Variants in NR1H4 observed in about 807,000 individuals in gnomAD.
The protein encoded by NR1H4 is bile acid receptor.
NR1H4 carries 23 observed loss-of-function variants against 58.5 expected under a neutral mutation model. That is an observed-to-expected ratio of 0.39 (90% CI 0.28 to 0.56). The LOEUF (loss-of-function observed/expected upper bound fraction) is 0.56. Ranked by LOEUF, NR1H4 falls within the 20% of genes least tolerant of loss-of-function variation. The pLI is 0.58. For synonymous variants in NR1H4, 214 were observed against 198.0 expected, an observed-to-expected ratio of 1.08 and a Z score of -0.68; for missense variants, 487 against 576.9, an observed-to-expected ratio of 0.84 and a Z score of 1.60.
chr12:100,497,555 CA>C (rs1953742604), intron 3 of NR1H4, among the ~76,000 whole-genome samples: 1 of 152,140 alleles, frequency 6.6e-6, no homozygotes, highest in African/African-American at 2.4e-5. Flanking sequence ...CTGACAAATC[CA>C]GACGGAAATC....
intron 9 of NR1H4, among the ~76,000 whole-genome samples, chr12:100,559,947 C>T (rs1340290359): frequency 1.3e-5 from 2 of 152,110 alleles, no homozygotes; most frequent in East Asian, 1.9e-4. Flanking sequence ...GTGCACCAAT[C>T]GACACTGTAT....
intron 3 of NR1H4, among the ~76,000 whole-genome samples, chr12:100,494,101 G>GC (rs1274465243): frequency 2.6e-5 from 4 of 152,170 alleles, no homozygotes; most frequent in Non-Finnish European, 2.9e-5. Flanking sequence ...CCTGCTGGCA[G>GC]CCTGGGATGC....
Position 100,535,014 on chromosome 12 carries a change from G to C in NR1H4, c.723G>C (p.Lys241Asn). ...TGCGACAAGTGACCTCGACAACAAAGTCATGCAGGGTAATAATATGCAATG... is the reference window on the plus strand; with the variant it reads ...TGCGACAAGTGACCTCGACAACAAACTCATGCAGGGTAATAATATGCAATG... ...RDLRQVTSTTKSCREKTELTP... is the reference protein window; with the variant it reads ...RDLRQVTSTTNSCREKTELTP... Residue 241 changes from lysine to asparagine, a missense_variant, in exon 6 of 11, where the codon AAG becomes AAC. Transcript: ENST00000392986. The C allele has an allele frequency of 6.2e-7, 1 of 1,614,208 alleles. No homozygotes were observed. Among genetic ancestry groups the C allele is most frequent in the Non-Finnish European group, 8.5e-7 (1 of 1,180,028 alleles).
chr12:100,478,992 A>T (rs1953326331), intron 1 of NR1H4, among the ~76,000 whole-genome samples: 1 of 152,134 alleles, frequency 6.6e-6, no homozygotes, highest in South Asian at 2.1e-4. Context: ...TTAGTTTCAG[A>T]TATTTTCTGT....
At chr12:100,548,723 G>A (rs1226926377) in intron 9 of NR1H4, among the ~76,000 whole-genome samples, 1 of 152,114 alleles carries the variant, frequency 6.6e-6, no homozygotes, top group Non-Finnish European at 1.5e-5. Flanking sequence ...AGATGAATAA[G>A]ATAAAGTCAT....
At chr12:100,506,034 CACACACACAG>C (rs777271532) in intron 3 of NR1H4, among the ~76,000 whole-genome samples, 1 of 140,534 alleles carries the variant, frequency 7.1e-6, no homozygotes, top group East Asian at 2.0e-4. Flanking sequence ...CACACACACA[CACACACACAG>C]AGAGAGAGAG....
chr12:100,509,927 A>G (rs1221299598), intron 3 of NR1H4, among the ~76,000 whole-genome samples: 1 of 152,242 alleles, frequency 6.6e-6, no homozygotes, highest in Non-Finnish European at 1.5e-5. Flanking sequence ...ACACACACAC[A>G]CACACACACA....
Position 100,504,057 on chromosome 12 carries a change from T to C in NR1H4, c.80-6721T>C, listed in dbSNP as rs1196583555. On this transcript the variant is annotated intron_variant, in intron 3 of 10. Transcript: ENST00000392986. ...AAAATGTATCTAAAACCGTAGGTTGTGGTAAAAAAAAAAATGAAAAGAGTT... is the reference window on the plus strand; with the variant it reads ...AAAATGTATCTAAAACCGTAGGTTGCGGTAAAAAAAAAAATGAAAAGAGTT... Among the ~76,000 whole-genome samples, 3 of 151,804 alleles carry C rather than the reference T, an allele frequency of 2.0e-5. No homozygotes were observed. The East Asian group carries it at 5.8e-4, about 29-fold the overall frequency.
rs749510454 is a variant in NR1H4, at chr12:100,510,851, T to A, written c.153T>A (p.Asn51Lys). 6.2e-7 allele frequency: 1 copy of A among 1,614,102 alleles called. No individual in the cohort carries two copies. The highest frequency in any genetic ancestry group is 8.5e-7 in the Non-Finnish European group (1 of 1,180,018). The change falls in exon 4 of 11, where the codon AAT (asparagine) becomes AAA (lysine). Residue 51 changes from asparagine (N) to lysine (K), a missense_variant. Physicochemically the swap from Asn to Lys is moderately conservative, Grantham distance 94. Transcript: ENST00000392986. ...TGGAACCATACTCGCAATACAGCAA[T>A]GTTCAGTTTCCCCAAGTTCAACCAC... Reference protein sequence around the residue: ...LEVEPYSQYSNVQFPQVQPQI... With the variant: ...LEVEPYSQYSKVQFPQVQPQI...
At chr12:100,549,343 C>T (rs957802755) in intron 9 of NR1H4, among the ~76,000 whole-genome samples, 1 of 151,942 alleles carries the variant, frequency 6.6e-6, no homozygotes, top group African/African-American at 2.4e-5. Context: ...ATCTCAAAAA[C>T]AAGCAAACAA....
At chr12:100,493,432 T>G (rs1953646387) in intron 3 of NR1H4, 30 bp downstream of exon 3, 3 of 1,096,754 alleles carry the variant, frequency 2.7e-6, no homozygotes, top group African/African-American at 1.5e-5. Context: ...TGAATATCAA[T>G]AAGAACAAAC....
At position 100,475,178 on chromosome 12, in the gene NR1H4, T is replaced by A. The variant is rs943319936; in HGVS notation, c.-190+1119T>A. On this transcript the variant is annotated intron_variant, in intron 1 of 10. Coordinates refer to ENST00000392986, the MANE Select transcript of NR1H4 (RefSeq NM_001206979.2). ...CTATCTAAATTTTTTTTTCTGTTCC[T>A]AAAAAAAGGAAGGGAGAAGAGAGGA... 6.6e-5 allele frequency among the ~76,000 whole-genome samples: 10 copies of A among 152,090 alleles called. No homozygotes were observed. The East Asian group carries it at 9.7e-4, about 15-fold the overall frequency.
At chr12:100,532,337 A>G (rs968134347) in intron 4 of NR1H4, 121 bp from the exon 5 acceptor site, 11 of 841,454 alleles carry the variant, frequency 1.3e-5, no homozygotes, top group Non-Finnish European at 2.2e-5. Context: ...GTGCTCAAGG[A>G]TGGCCTGGGT....
chr12:100,487,595 CTTTTTTTTTTTT>C lies in NR1H4; in HGVS notation c.-189-4900_-189-4889del, dbSNP rs34694873. Among the ~76,000 whole-genome samples the C allele has an allele frequency of 2.6e-5, 3 of 115,984 alleles. No homozygotes were observed. In the Admixed American group the frequency reaches 3.2e-4, roughly 12 times the overall value. 76.1% of individuals were successfully genotyped at this position (115,984 alleles called of 152,430 possible). On this transcript the variant is annotated intron_variant, in intron 1 of 10. Coordinates refer to ENST00000392986, the MANE Select transcript of NR1H4 (RefSeq NM_001206979.2). Reference sequence around the variant, plus strand: ...ACCTGCTCTGATTCTTCTTCTTCTTCTTTTTTTTTTTTTTTTTTTGAGACGAGTCTCACTCTG... The same window carrying C: ...ACCTGCTCTGATTCTTCTTCTTCTTCTTTTTTTGAGACGAGTCTCACTCTG...
chr12:100,563,365 G>C lies in NR1H4; in HGVS notation c.1307G>C (p.Cys436Ser). The C allele has an allele frequency of 3.7e-6, 6 of 1,614,122 alleles. No individual in the cohort carries two copies. Among genetic ancestry groups the C allele is most frequent in the Non-Finnish European group, 5.1e-6 (6 of 1,180,028 alleles). ...CCTGAAAATCCTCAACACTTTGCCT[G>C]TCTCCTGGGTCGCCTGACTGAATTA... Reference protein sequence around the residue: ...HQPENPQHFACLLGRLTELRT... With the variant: ...HQPENPQHFASLLGRLTELRT... Residue 436 changes from cysteine (C) to serine (S), a missense_variant, in exon 11 of 11, where the codon TGT becomes TCT. Coordinates refer to ENST00000392986, the MANE Select transcript of NR1H4 (RefSeq NM_001206979.2).
chr12:100,539,066 A>C (rs2136247814), intron 8 of NR1H4, among the ~76,000 whole-genome samples: 1 of 152,362 alleles, frequency 6.6e-6, no homozygotes, highest in Non-Finnish European at 1.5e-5. Context: ...TTGAAGACAA[A>C]TAAAAACCTT....
chr12:100,512,899 G>A (rs1954158781), intron 4 of NR1H4, among the ~76,000 whole-genome samples: 1 of 152,094 alleles, frequency 6.6e-6, no homozygotes, highest in African/African-American at 2.4e-5. Context: ...ACATAAGATC[G>A]GCTCAAGGAC....
chr12:100,532,677 C>A, intron 5 of NR1H4, 67 bp downstream of exon 5: 2 of 1,399,214 alleles, frequency 1.4e-6, no homozygotes, highest in South Asian at 1.2e-5. Flanking sequence ...GGTAACTCAT[C>A]ACGAGAGTGC....
chr12:100,558,040 TTTTTTG>T (rs1278263242), intron 9 of NR1H4, among the ~76,000 whole-genome samples: 2 of 152,060 alleles, frequency 1.3e-5, no homozygotes, highest in African/African-American at 4.8e-5. Context: ...GAAGTCTGTT[TTTTTTG>T]TTTTTGTTTT....
Sources: allele counts gnomAD v4.1 joint callset (sites outside exome capture counted in the v4.1 genomes callset), GRCh38; gene constraint gnomAD v4.1.1; transcripts MANE v1.5; gene names NCBI Gene and HGNC (gene_info 2026-07-23, HGNC 2026-07-21).